Variants in SIN3A observed in about 807,000 individuals in gnomAD.
The protein encoded by SIN3A is paired amphipathic helix protein Sin3a.
SIN3A carries 14 observed loss-of-function variants against 146.1 expected under a neutral mutation model. The observed-to-expected ratio is 0.10, with a 90% confidence interval of 0.06 to 0.15. The LOEUF (loss-of-function observed/expected upper bound fraction) is 0.15. SIN3A is among the 10% of genes least tolerant of loss of function. The probability of loss-of-function intolerance (pLI) is 1.00; values close to 1 mark genes in which losing one functional copy is unlikely to be tolerated. For synonymous variants in SIN3A, 572 were observed against 572.0 expected, an observed-to-expected ratio of 1.00 and a Z score of 0.00; for missense variants, 1,028 against 1,576.0, an observed-to-expected ratio of 0.65 and a Z score of 5.89.
chr15:75,391,669 G>A (rs1441512736), intron 15 of SIN3A, among the ~76,000 whole-genome samples: 16 of 152,178 alleles, frequency 1.1e-4, no homozygotes, highest in African/African-American at 2.9e-4. Flanking sequence ...ACATGACAGC[G>A]TCCTGAACCC....
intron 17 of SIN3A, among the ~76,000 whole-genome samples, chr15:75,383,229 G>A (rs1466303579): frequency 2.0e-5 from 3 of 148,874 alleles, no homozygotes; most frequent in Non-Finnish European, 3.0e-5. Flanking sequence ...CCAAGATTGC[G>A]CCACTGCACT....
chr15:75,393,045 T>C (rs1433714828), intron 14 of SIN3A, among the ~76,000 whole-genome samples: 1 of 152,002 alleles, frequency 6.6e-6, no homozygotes, highest in South Asian at 2.1e-4. Context: ...GCCTGGCCAA[T>C]ATGGTGAAAC....
At chr15:75,436,761 GA>G (rs942304146) in intron 1 of SIN3A, among the ~76,000 whole-genome samples, 113 of 144,284 alleles carry the variant, frequency 7.8e-4, no homozygotes, top group African/African-American at 2.3e-3. Context: ...TGAGGATTAG[GA>G]AAAAAAAAAA....
At chr15:75,386,441 A>G (rs1291774441) in intron 16 of SIN3A, among the ~76,000 whole-genome samples, 1 of 152,230 alleles carries the variant, frequency 6.6e-6, no homozygotes, top group Non-Finnish European at 1.5e-5. Context: ...ATCCAGAGAC[A>G]GCTACGGAAC....
At chr15:75,397,553 C>T (rs2141443070) in intron 12 of SIN3A, among the ~76,000 whole-genome samples, 1 of 152,302 alleles carries the variant, frequency 6.6e-6, no homozygotes, top group African/African-American at 2.4e-5. Flanking sequence ...TGCCAAATCC[C>T]CTGCTAAACA....
chr15:75,411,780 A>G, intron 5 of SIN3A, 37 bp from the exon 6 acceptor site: 2 of 1,531,964 alleles, frequency 1.3e-6, no homozygotes, highest in Non-Finnish European at 1.8e-6. Flanking sequence ...CTTCAGATGC[A>G]TAGATGAGTT....
chr15:75,422,831 G>C lies in SIN3A; in HGVS notation c.190-8C>G. On this transcript the variant is annotated splice_polypyrimidine_tract_variant and splice_region_variant and intron_variant, in intron 2 of 20. Coordinates refer to ENST00000394947, the MANE Select transcript of SIN3A (RefSeq NM_001145358.2). ...CTGTGGCATGGCTGAAACCTGGGGT[G>C]AACAAAATACAGACAGGAAACTTCA... The C allele has an allele frequency of 6.2e-7, 1 of 1,607,016 alleles. No individual in the cohort carries two copies. Among genetic ancestry groups the C allele is most frequent in the Non-Finnish European group, 8.5e-7 (1 of 1,174,380 alleles).
In SIN3A at chr15:75,371,916, G is replaced by A. The variant is rs1163747937; in HGVS notation, c.*63C>T. Reference sequence around the variant, plus strand: ...CATCTTCCTTGTTTCTTCAGTGTGTGAGTGCATAGGCCCACACACACATCC... The same window carrying A: ...CATCTTCCTTGTTTCTTCAGTGTGTAAGTGCATAGGCCCACACACACATCC... On this transcript the variant is annotated 3_prime_UTR_variant, in exon 21 of 21. Coordinates refer to ENST00000394947, the MANE Select transcript of SIN3A (RefSeq NM_001145358.2). 1 of 1,409,856 alleles carries A rather than the reference G, an allele frequency of 7.1e-7. No individual in the cohort carries two copies. Among genetic ancestry groups the A allele is most frequent in the Non-Finnish European group, 1.0e-6 (1 of 1,001,678 alleles). The allele number at this position is 1,409,856 out of a possible 1,614,324, so 87.3% of individuals were successfully genotyped here.
chr15:75,395,269 C>T (rs879349331), intron 13 of SIN3A, among the ~76,000 whole-genome samples: 2 of 152,142 alleles, frequency 1.3e-5, no homozygotes, highest in Admixed American at 6.5e-5. Context: ...CCTCTGGATA[C>T]AGTCAGGAAA....
chr15:75,440,227 T>C (rs148132634), intron 1 of SIN3A, among the ~76,000 whole-genome samples: 1 of 151,860 alleles, frequency 6.6e-6, no homozygotes, highest in East Asian at 1.9e-4. Context: ...AGAATGTAAG[T>C]AGCAAATTTG....
intron 6 of SIN3A, among the ~76,000 whole-genome samples, chr15:75,410,726 T>C (rs1267048316): frequency 6.6e-6 from 1 of 152,128 alleles, no homozygotes. Context: ...CAGATAAAAC[T>C]GAGTTTCATT....
chr15:75,417,439 A>T (rs1196055347), intron 3 of SIN3A, among the ~76,000 whole-genome samples: 1 of 150,540 alleles, frequency 6.6e-6, no homozygotes, highest in Non-Finnish European at 1.5e-5. Context: ...GCAATGGCGC[A>T]ATCTCGGGTC....
At chr15:75,437,420 G>A (rs2074126752) in intron 1 of SIN3A, among the ~76,000 whole-genome samples, 1 of 152,078 alleles carries the variant, frequency 6.6e-6, no homozygotes, top group Non-Finnish European at 1.5e-5. Context: ...TCCTGTCTTG[G>A]CCTCCCAAAG....
intron 17 of SIN3A, among the ~76,000 whole-genome samples, chr15:75,381,989 A>G (rs2072981270): frequency 6.6e-6 from 1 of 152,252 alleles, no homozygotes; most frequent in Non-Finnish European, 1.5e-5. Context: ...TACAAAACAA[A>G]TATTTTGTCA....
chr15:75,407,744 T>C (rs141954665), intron 8 of SIN3A, among the ~76,000 whole-genome samples: 1,513 of 151,236 alleles, frequency 0.01, 11 homozygotes, highest in Non-Finnish European at 0.015. Flanking sequence ...TACAAAAAAA[T>C]TAGCTGGGCG....
At chr15:75,372,681 C>T (rs748382818) in intron 20 of SIN3A, among the ~76,000 whole-genome samples, 12 of 151,792 alleles carry the variant, frequency 7.9e-5, no homozygotes, top group African/African-American at 1.5e-4. Context: ...AATAACTGGG[C>T]GTGGTGGCAC....
At chr15:75,373,610 G>A (rs1487971892) in intron 20 of SIN3A, among the ~76,000 whole-genome samples, 1 of 151,834 alleles carries the variant, frequency 6.6e-6, no homozygotes, top group African/African-American at 2.4e-5. Flanking sequence ...TTACTTTATT[G>A]TAAGAATATA....
chr15:75,395,847 G>A (rs2073292127), intron 13 of SIN3A, among the ~76,000 whole-genome samples: 1 of 152,228 alleles, frequency 6.6e-6, no homozygotes, highest in African/African-American at 2.4e-5. Flanking sequence ...TGAGGCTGCA[G>A]TGAGCTGTGT....
intron 1 of SIN3A, among the ~76,000 whole-genome samples, chr15:75,433,230 T>C (rs186043414): frequency 8.2e-4 from 125 of 152,266 alleles, no homozygotes; most frequent in Middle Eastern, 6.8e-3. Flanking sequence ...CTATCTACCA[T>C]GAAGCTTTCT....
Sources: gnomAD v4.1 joint callset for allele counts (sites outside exome capture counted in the v4.1 genomes callset) on GRCh38, gnomAD v4.1.1 for gene constraint, MANE v1.5 for transcripts, NCBI Gene and HGNC (gene_info 2026-07-23, HGNC 2026-07-21) for gene names.